Variants in CAMSAP2 observed in about 807,000 individuals in gnomAD.
The protein encoded by CAMSAP2 is calmodulin regulated spectrin associated protein family member 2.
Under a neutral mutation model 146.1 loss-of-function variants are expected in CAMSAP2, and 26 were observed. The ratio of observed to expected loss-of-function variants is 0.18; its 90% CI spans 0.13 to 0.25. The LOEUF (loss-of-function observed/expected upper bound fraction) is 0.25. CAMSAP2 is among the 10% of genes least tolerant of loss of function. The probability of loss-of-function intolerance (pLI) is 1.00; values close to 1 mark genes in which losing one functional copy is unlikely to be tolerated. For missense variants in CAMSAP2, 1,381 were observed against 1,759.3 expected (o/e 0.78, Z 3.85); for synonymous variants, 499 against 596.6 (o/e 0.84, Z 2.38).
At chr1:200,818,801 TGA>T (rs1666673547) in intron 4 of CAMSAP2, among the ~76,000 whole-genome samples, 1 of 152,200 alleles carries the variant, frequency 6.6e-6, no homozygotes, top group South Asian at 2.1e-4. Context: ...CTTTTACAAA[TGA>T]GAGAGAAAAT....
chr1:200,778,168 C>T (rs1665334151), intron 2 of CAMSAP2, among the ~76,000 whole-genome samples: 1 of 152,016 alleles, frequency 6.6e-6, no homozygotes, highest in South Asian at 2.1e-4. Flanking sequence ...CATCGTATTC[C>T]CAGTGCCTAG....
At chr1:200,821,533 T>G (rs1328973152) in intron 4 of CAMSAP2, among the ~76,000 whole-genome samples, 2 of 152,152 alleles carry the variant, frequency 1.3e-5, no homozygotes, top group African/African-American at 4.8e-5. Context: ...TAAAATGTTT[T>G]TTACATTAAT....
Position 200,832,420 on chromosome 1 carries a change from G to C in CAMSAP2, c.787+79G>C. The C allele has an allele frequency of 7.4e-7, 1 of 1,360,296 alleles. No homozygotes were observed. Among genetic ancestry groups the C allele is most frequent in the East Asian group, 2.5e-5 (1 of 40,194 alleles). The allele number at this position is 1,360,296 out of a possible 1,614,324, so 84.3% of individuals were successfully genotyped here. On this transcript the variant is annotated intron_variant, in intron 5 of 16. Transcript: ENST00000358823. This position sits in a 1 kb window ranked among gnomAD's most constrained non-coding sequence, Gnocchi z 4.2. ...TAAGACAGTATTATTTTGCACTCCA[G>C]CCTAGGTGACTGAGTGGGACCCTGT...
chr1:200,799,929 A>G (rs1665991671), intron 2 of CAMSAP2, among the ~76,000 whole-genome samples: 1 of 152,216 alleles, frequency 6.6e-6, no homozygotes, highest in Non-Finnish European at 1.5e-5. Flanking sequence ...TTATTTACCC[A>G]GTAGTCATTC....
chr1:200,851,880 T>C (rs1394255826), intron 11 of CAMSAP2, among the ~76,000 whole-genome samples: 2 of 152,216 alleles, frequency 1.3e-5, no homozygotes, highest in Non-Finnish European at 2.9e-5. Context: ...TTCTGAAGCA[T>C]TTTGGAAGCC....
chr1:200,824,978 CAAAT>C (rs532222491), intron 4 of CAMSAP2, among the ~76,000 whole-genome samples: 82 of 151,584 alleles, frequency 5.4e-4, no homozygotes, highest in Non-Finnish European at 9.7e-4. Flanking sequence ...GACTCTGTCT[CAAAT>C]AAATAAATAA....
chr1:200,825,502 TTTCTTCC>T (rs1338250778), intron 4 of CAMSAP2, among the ~76,000 whole-genome samples: 24 of 151,960 alleles, frequency 1.6e-4, no homozygotes, highest in African/African-American at 5.8e-4. Context: ...TCTTTCTTTC[TTTCTTCC>T]TTTTTTTTTT....
rs1409440684 is a variant in CAMSAP2, at chr1:200,848,202, A to G, written c.1433A>G (p.Asn478Ser). Residue 478 changes from asparagine to serine, a missense_variant, in exon 11 of 17, where the codon AAT (asparagine) becomes AGT (serine). This residue lies in a region of CAMSAP2 where 447 missense variants were observed against 462.2 expected (regional missense o/e 0.97). Coordinates refer to ENST00000358823, the MANE Select transcript of CAMSAP2 (RefSeq NM_203459.4). Reference protein sequence around the residue: ...IRKNLSFKPINGEEEAESIEE... With the variant: ...IRKNLSFKPISGEEEAESIEE... ...AAAAATTTGTCCTTCAAGCCAATAAATGGAGAAGAGGAAGCAGAGAGCATT... is the reference window on the plus strand; with the variant it reads ...AAAAATTTGTCCTTCAAGCCAATAAGTGGAGAAGAGGAAGCAGAGAGCATT... The G allele has an allele frequency of 6.2e-7, 1 of 1,613,966 alleles. No individual in the cohort carries two copies. The highest frequency in any genetic ancestry group is 1.1e-5 in the South Asian group (1 of 91,068).
intron 7 of CAMSAP2, among the ~76,000 whole-genome samples, chr1:200,843,339 G>A (rs778037272): frequency 1.2e-4 from 18 of 152,112 alleles, no homozygotes; most frequent in East Asian, 1.9e-4. Context: ...GCAGCCCACC[G>A]CATCTCAGGC....
At position 200,854,804 on chromosome 1, in the gene CAMSAP2, C is replaced by T. The variant is rs535807370; in HGVS notation, c.3824-13C>T. 1.1e-5 allele frequency: 17 copies of T among 1,600,972 alleles called. No homozygotes were observed. In the East Asian group the frequency reaches 1.3e-4, roughly 13 times the overall value. On this transcript the variant is annotated splice_polypyrimidine_tract_variant and intron_variant, in intron 13 of 16. Transcript: ENST00000358823. ...TTTTTATTCAGGATCATGAATTTATCGTGTTTTTTCAGTCTCTAGCCTTTC... is the reference window on the plus strand; with the variant it reads ...TTTTTATTCAGGATCATGAATTTATTGTGTTTTTTCAGTCTCTAGCCTTTC...
At chr1:200,742,600 A>G (rs2102982736) in intron 1 of CAMSAP2, among the ~76,000 whole-genome samples, 1 of 152,260 alleles carries the variant, frequency 6.6e-6, no homozygotes, top group East Asian at 1.9e-4. Context: ...TAGATAGCAT[A>G]TTTCAAAGGT....
rs1666530375 is a variant in CAMSAP2 at position 200,816,808 on chromosome 1, A to ACG, written c.645+1164_645+1165insCG. ...TATGTGTGTACACACACACGCGTGT[A>ACG]TATATGTGTGTACACACACACGCGT... is the stretch of plus-strand genomic sequence containing the variant. On this transcript the variant is annotated intron_variant, in intron 4 of 16. Transcript: ENST00000358823. Among the ~76,000 whole-genome samples, 3 of 45,312 alleles carry ACG rather than the reference A, an allele frequency of 6.6e-5. 1 individual carries two copies. The highest frequency in any genetic ancestry group is 4.2e-5 in the Non-Finnish European group (1 of 23,688). The allele number at this position is 45,312 out of a possible 152,430, so 29.7% of individuals were successfully genotyped here. A position where few individuals can be genotyped will look rare whatever the true frequency, so the allele number is the denominator to read the frequency against.
In CAMSAP2 at chr1:200,832,116, G is replaced by T; in HGVS notation, c.646-84G>T. 1.9e-6 allele frequency: 2 copies of T among 1,038,972 alleles called. No individual in the cohort carries two copies. The highest frequency in any genetic ancestry group is 2.8e-6 in the Non-Finnish European group (2 of 726,284). 64.4% of individuals were successfully genotyped at this position (1,038,972 alleles called of 1,614,324 possible). ...TTTCTCATGATTTATTTTATTACTG[G>T]TACATTAGAATTTACAGTACTGATT... is the stretch of plus-strand genomic sequence containing the variant. On this transcript the variant is annotated intron_variant, in intron 4 of 16. Transcript: ENST00000358823. This position sits in a 1 kb window ranked among gnomAD's most constrained non-coding sequence, Gnocchi z 4.2.
At chr1:200,764,026 G>A (rs1480493440) in intron 2 of CAMSAP2, among the ~76,000 whole-genome samples, 1 of 151,984 alleles carries the variant, frequency 6.6e-6, no homozygotes, top group African/African-American at 2.4e-5. Flanking sequence ...AGCCGAGATT[G>A]CGCCACTGCA....
In CAMSAP2 at chr1:200,860,541, T is replaced by C. The variant is rs1214901667; in HGVS notation, c.*2482T>C. 1 of 152,402 alleles carries C rather than the reference T, an allele frequency of 6.6e-6. No homozygotes were observed. The highest frequency in any genetic ancestry group is 1.5e-5 in the Non-Finnish European group (1 of 68,032). The allele number at this position is 152,402 out of a possible 1,614,324, so 9.4% of individuals were successfully genotyped here. A position where few individuals can be genotyped will look rare whatever the true frequency, so the allele number is the denominator to read the frequency against. On this transcript the variant is annotated 3_prime_UTR_variant, in exon 17 of 17. Coordinates refer to ENST00000358823, the MANE Select transcript of CAMSAP2 (RefSeq NM_203459.4). ...TTTAATTATGGTTTCATGGACACTGTTGAGCAATGTACAGTGTATGGTGTG... is the reference window on the plus strand; with the variant it reads ...TTTAATTATGGTTTCATGGACACTGCTGAGCAATGTACAGTGTATGGTGTG...
At chr1:200,772,170 GT>G (rs1665134095) in intron 2 of CAMSAP2, among the ~76,000 whole-genome samples, 1 of 151,868 alleles carries the variant, frequency 6.6e-6, no homozygotes, top group South Asian at 2.1e-4. Flanking sequence ...GGTTTACCTA[GT>G]TACACATGTA....
rs1239654229 is a variant in CAMSAP2 at position 200,739,383 on chromosome 1, G to A, written c.-445G>A. Among the ~76,000 whole-genome samples, 2 of 152,148 alleles carry A rather than the reference G, an allele frequency of 1.3e-5. No individual in the cohort carries two copies. The highest frequency in any genetic ancestry group is 4.8e-5 in the African/African-American group (2 of 41,448). ...AGGGCGTGCGGGCATCGCGATGGCG[G>A]GGACATTTTCCACAACGTGATTGTT... On this transcript the variant is annotated 5_prime_UTR_variant, in exon 1 of 17. Transcript: ENST00000358823. This position sits in a 1 kb window ranked among gnomAD's most constrained non-coding sequence, Gnocchi z 4.8.
chr1:200,792,641 C>T (rs542616293), intron 2 of CAMSAP2, among the ~76,000 whole-genome samples: 25 of 152,278 alleles, frequency 1.6e-4, no homozygotes, highest in African/African-American at 5.5e-4. Context: ...CAAGAGACTC[C>T]GTCTCGGGCA....
chr1:200,851,797 A>G (rs1286913788), intron 11 of CAMSAP2, among the ~76,000 whole-genome samples: 1 of 152,182 alleles, frequency 6.6e-6, no homozygotes, highest in South Asian at 2.1e-4. Context: ...TGAATTAAGC[A>G]TTGGCAGGGA....
Sources: allele counts gnomAD v4.1 joint callset (sites outside exome capture counted in the v4.1 genomes callset), GRCh38; gene constraint gnomAD v4.1.1; regional missense constraint gnomAD v4.1.1; non-coding constraint Gnocchi (gnomAD v3.1); transcripts MANE v1.5; gene names NCBI Gene and HGNC (gene_info 2026-07-23, HGNC 2026-07-21).